Variants in C14orf132 observed in about 807,000 individuals in gnomAD.
C14orf132 encodes uncharacterized protein C14orf132.
In C14orf132, 6 loss-of-function variants were observed where a neutral mutation model predicts 5.8. That is an observed-to-expected ratio of 1.03 (90% CI 0.57 to 2.04). The LOEUF is 2.04. Among genes scored for constraint, C14orf132 ranks in the 30% most tolerant of loss-of-function variants. C14orf132 has a pLI of 0.00. For synonymous variants in C14orf132, 51 were observed against 49.8 expected, an observed-to-expected ratio of 1.02 and a Z score of -0.10; for missense variants, 125 against 115.8, an observed-to-expected ratio of 1.08 and a Z score of -0.37.
chr14:96,074,439 C>T (rs1405021389), intron 1 of C14orf132, among the ~76,000 whole-genome samples: 1 of 151,980 alleles, frequency 6.6e-6, no homozygotes, highest in Admixed American at 6.6e-5. Context: ...ACTCTGCCTA[C>T]CATAAGATTA....
chr14:96,041,872 A>G (rs1886702522), intron 1 of C14orf132, among the ~76,000 whole-genome samples: 1 of 152,216 alleles, frequency 6.6e-6, no homozygotes, highest in Admixed American at 6.5e-5. Flanking sequence ...TTCTTTCTGC[A>G]TGTTTATAAA....
intron 1 of C14orf132, among the ~76,000 whole-genome samples, chr14:96,085,216 T>C (rs1401636082): frequency 6.6e-6 from 1 of 152,202 alleles, no homozygotes; most frequent in Non-Finnish European, 1.5e-5. Flanking sequence ...CCCCTGACCA[T>C]AGCAGGAGCT....
intron 1 of C14orf132, among the ~76,000 whole-genome samples, chr14:96,058,997 C>T (rs1053698930): frequency 2.4e-4 from 36 of 152,234 alleles, no homozygotes; most frequent in African/African-American, 8.2e-4. Context: ...CGCAGTGGCT[C>T]ATGCCTATAA....
chr14:96,057,148 A>G (rs1266705507), intron 1 of C14orf132, among the ~76,000 whole-genome samples: 2 of 152,264 alleles, frequency 1.3e-5, no homozygotes, highest in African/African-American at 2.4e-5. Flanking sequence ...TATCCCAGTC[A>G]GGAAACAAAT....
intron 1 of C14orf132, among the ~76,000 whole-genome samples, chr14:96,073,479 G>A (rs1413695810): frequency 5.3e-5 from 8 of 152,144 alleles, no homozygotes; most frequent in African/African-American, 1.9e-4. Context: ...CAAAACCACA[G>A]TGAGATACCA....
chr14:96,071,944 G>C (rs979443471), intron 1 of C14orf132, among the ~76,000 whole-genome samples: 1 of 152,252 alleles, frequency 6.6e-6, no homozygotes. Flanking sequence ...GGAGAGCCAT[G>C]TGAATGTGGC....
intron 1 of C14orf132, among the ~76,000 whole-genome samples, chr14:96,049,572 A>ATATATACGTATATATATACG (rs1886950746): frequency 8.1e-6 from 1 of 123,804 alleles, no homozygotes; most frequent in African/African-American, 2.7e-5. Flanking sequence ...GTATATATAC[A>ATATATACGTATATATATACG]TATATACGTA....
In C14orf132 at chr14:96,086,985, T is replaced by C. The variant is rs1888215903; in HGVS notation, c.*250T>C. The stretch of plus-strand genomic sequence containing the variant: ...CGGGGCAAGGCCTTCAGAGGGCAGA[T>C]TGGGGATCCTTGAAACTACATTCCA... On this transcript the variant is annotated 3_prime_UTR_variant, in exon 2 of 2. Coordinates refer to ENST00000555004, the MANE Select transcript of C14orf132 (RefSeq NM_001252507.3). 1.9e-6 allele frequency: 1 copy of C among 540,348 alleles called. No individual in the cohort carries two copies. Among genetic ancestry groups the C allele is most frequent in the Admixed American group, 3.4e-5 (1 of 29,408 alleles). 33.5% of individuals were successfully genotyped at this position (540,348 alleles called of 1,614,324 possible).
intron 1 of C14orf132, among the ~76,000 whole-genome samples, chr14:96,060,446 T>C (rs1166903435): frequency 1.3e-5 from 2 of 152,222 alleles, no homozygotes; most frequent in African/African-American, 4.8e-5. Context: ...ATGTGCTTTA[T>C]GATGTGTAGA....
In C14orf132 at chr14:96,090,762, T is replaced by C; in HGVS notation, c.*4027T>C. On this transcript the variant is annotated 3_prime_UTR_variant, in exon 2 of 2. Transcript: ENST00000555004. ...GCAGCAGATGCTTTTCCAGCCCCGG[T>C]TCAGCTGGAAGGCTTGGAGGCTGGC... 1 of 456,022 alleles carries C rather than the reference T, an allele frequency of 2.2e-6. No individual in the cohort carries two copies. The highest frequency in any genetic ancestry group is 4.4e-6 in the Non-Finnish European group (1 of 226,780). 28.2% of individuals were successfully genotyped at this position (456,022 alleles called of 1,614,324 possible).
chr14:96,066,486 G>A (rs932827212), intron 1 of C14orf132, among the ~76,000 whole-genome samples: 4 of 152,124 alleles, frequency 2.6e-5, no homozygotes, highest in African/African-American at 4.8e-5. Flanking sequence ...GTGGGTTGAG[G>A]CATGTCGGAC....
In C14orf132 at chr14:96,039,543, C is replaced by T; in HGVS notation, c.27+16C>T. ...GGCCGCGCAGGTAACGGGGCGTCCC[C>T]CCCACGCGCCCCGGGCCGCCAAGTT... On this transcript the variant is annotated intron_variant, in intron 1 of 1. Coordinates refer to ENST00000555004, the MANE Select transcript of C14orf132 (RefSeq NM_001252507.3). The surrounding 1 kb of genome is among the most constrained non-coding windows in gnomAD (Gnocchi z 5.3). 6 of 1,499,910 alleles carry T rather than the reference C, an allele frequency of 4.0e-6. No individual in the cohort carries two copies. Among genetic ancestry groups the T allele is most frequent in the Non-Finnish European group, 5.3e-6 (6 of 1,127,358 alleles). The allele number at this position is 1,499,910 out of a possible 1,614,324, so 92.9% of individuals were successfully genotyped here. A position where few individuals can be genotyped will look rare whatever the true frequency, so the allele number is the denominator to read the frequency against.
rs1433057816 is a variant in C14orf132, at chr14:96,039,712, G to A, written c.27+185G>A. Among the ~76,000 whole-genome samples the A allele has an allele frequency of 6.6e-6, 1 of 152,040 alleles. No individual in the cohort carries two copies. The highest frequency in any genetic ancestry group is 1.5e-5 in the Non-Finnish European group (1 of 67,980). On this transcript the variant is annotated intron_variant, in intron 1 of 1. Coordinates refer to ENST00000555004, the MANE Select transcript of C14orf132 (RefSeq NM_001252507.3). This position sits in a 1 kb window ranked among gnomAD's most constrained non-coding sequence, Gnocchi z 5.3. ...CGGGGGCGGCGATCGCGGCTCTCCCGGGGTGGGGCGGGCTGCGCGCCCCGC... is the reference window on the plus strand; with the variant it reads ...CGGGGGCGGCGATCGCGGCTCTCCCAGGGTGGGGCGGGCTGCGCGCCCCGC...
Position 96,087,840 on chromosome 14 carries a change from A to G in C14orf132, c.*1105A>G, listed in dbSNP as rs539090786. 2 of 152,270 alleles carry G rather than the reference A, an allele frequency of 1.3e-5. No homozygotes were observed. The highest frequency in any genetic ancestry group is 4.1e-4 in the South Asian group (2 of 4,820). 9.4% of individuals were successfully genotyped at this position (152,270 alleles called of 1,614,324 possible). A position where few individuals can be genotyped will look rare whatever the true frequency, so the allele number is the denominator to read the frequency against. Reference sequence around the variant, plus strand: ...CCAAGCCACTTCCTTAAATTCTGAAATATCAGCATCTGGGGTCCTGGCAAG... The same window carrying G: ...CCAAGCCACTTCCTTAAATTCTGAAGTATCAGCATCTGGGGTCCTGGCAAG... On this transcript the variant is annotated 3_prime_UTR_variant, in exon 2 of 2. Transcript: ENST00000555004.
At chr14:96,080,344 T>A (rs1887991964) in intron 1 of C14orf132, among the ~76,000 whole-genome samples, 1 of 152,178 alleles carries the variant, frequency 6.6e-6, no homozygotes, top group Non-Finnish European at 1.5e-5. Flanking sequence ...AATTTAACTT[T>A]AAAATTCATA....
At chr14:96,075,686 T>C (rs12434233) in intron 1 of C14orf132, among the ~76,000 whole-genome samples, 31,736 of 152,230 alleles carry the variant, frequency 0.21, 3,789 homozygotes, top group Non-Finnish European at 0.27. Flanking sequence ...CTGATATGAT[T>C]GTTTTGTTTC....
chr14:96,046,842 A>G (rs1886843857), intron 1 of C14orf132, among the ~76,000 whole-genome samples: 1 of 152,258 alleles, frequency 6.6e-6, no homozygotes, highest in Non-Finnish European at 1.5e-5. Context: ...CAGAGGGGAA[A>G]AAAGACACAA....
chr14:96,071,975 G>T (rs958867064), intron 1 of C14orf132, among the ~76,000 whole-genome samples: 4 of 152,194 alleles, frequency 2.6e-5, no homozygotes, highest in Admixed American at 6.5e-5. Context: ...GGTGAAGGGA[G>T]ACCTGGTGTG....
At chr14:96,052,142 G>T (rs146551205) in intron 1 of C14orf132, among the ~76,000 whole-genome samples, 1 of 152,400 alleles carries the variant, frequency 6.6e-6, no homozygotes, top group East Asian at 1.9e-4. Context: ...CTAGATCTGA[G>T]TCACAGCTGA....
Sources: gnomAD v4.1 joint callset for allele counts (sites outside exome capture counted in the v4.1 genomes callset) on GRCh38, gnomAD v4.1.1 for gene constraint, Gnocchi (gnomAD v3.1) non-coding constraint, MANE v1.5 for transcripts, NCBI Gene and HGNC (gene_info 2026-07-23, HGNC 2026-07-21) for gene names.